OR2T33: variants seen among roughly 807,000 people sequenced by gnomAD.
OR2T33 encodes olfactory receptor family 2 subfamily T member 33.
In OR2T33, 10 loss-of-function variants were observed where a neutral mutation model predicts 14.0. That is an observed-to-expected ratio of 0.72 (90% CI 0.44 to 1.22). The LOEUF (loss-of-function observed/expected upper bound fraction) is 1.22. OR2T33 is among the 50% of genes most tolerant of loss of function. OR2T33 has a pLI of 0.00. For missense variants in OR2T33, 276 were observed against 405.9 expected, an observed-to-expected ratio of 0.68 and a Z score of 2.75; for synonymous variants, 103 against 159.4, an observed-to-expected ratio of 0.65 and a Z score of 2.66.
In OR2T33 at chr1:248,270,182, C is replaced by T. The variant is rs1183203034; in HGVS notation, c.*2670G>A. 1.3e-5 allele frequency: 2 copies of T among 152,094 alleles called. No homozygotes were observed. Among genetic ancestry groups the T allele is most frequent in the African/African-American group, 4.8e-5 (2 of 41,394 alleles). The allele number at this position is 152,094 out of a possible 1,614,324, so 9.4% of individuals were successfully genotyped here. A position where few individuals can be genotyped will look rare whatever the true frequency, so the allele number is the denominator to read the frequency against. On this transcript the variant is annotated 3_prime_UTR_variant, in exon 2 of 2. Transcript: ENST00000641220. ...ACTATCGCAAGGACAAAAAACCAAA[C>T]ACAGCATGTTCTCACTCATAGGTGG...
At position 248,273,823 on chromosome 1, in the gene OR2T33, CT is replaced by C; in HGVS notation, c.-8-2del. 3 of 1,601,958 alleles carry C rather than the reference CT, an allele frequency of 1.9e-6. No individual in the cohort carries two copies. The highest frequency in any genetic ancestry group is 2.6e-6 in the Non-Finnish European group (3 of 1,172,644). ...GTATTTCTCATCTCCATAATTTCCC[CT>C]GGTGTGATGGTGCAAATGGAAAAAT... On this transcript the variant is annotated splice_acceptor_variant, in intron 1 of 1. Transcript: ENST00000641220. LOFTEE classifies it low-confidence loss of function (5UTR_SPLICE).
chr1:248,277,068 C>T (rs1659455794), intron 1 of OR2T33, among the ~76,000 whole-genome samples: 1 of 150,052 alleles, frequency 6.7e-6, no homozygotes, highest in Non-Finnish European at 1.5e-5. Context: ...GATAGCTGGA[C>T]TTAAAACATT....
Position 248,272,833 on chromosome 1 carries a change from AG to A in OR2T33, c.*18del, listed in dbSNP as rs1659389253. ...AAAATATTAATAAATTCAGGAACTTAGACTCATTTGACATTAGATCATCTTG... is the reference window on the plus strand; with the variant it reads ...AAAATATTAATAAATTCAGGAACTTAACTCATTTGACATTAGATCATCTTG... On this transcript the variant is annotated 3_prime_UTR_variant, in exon 2 of 2. Transcript: ENST00000641220. 9 of 1,589,788 alleles carry A rather than the reference AG, an allele frequency of 5.7e-6. No individual in the cohort carries two copies. The East Asian group carries it at 2.0e-4, about 36-fold the overall frequency.
At chr1:248,274,363 C>T (rs1659425390) in intron 1 of OR2T33, among the ~76,000 whole-genome samples, 2 of 152,048 alleles carry the variant, frequency 1.3e-5, no homozygotes, top group Admixed American at 6.5e-5. Flanking sequence ...AACATTTTTT[C>T]CTTTGAAGAA....
rs1393655160 is a variant in OR2T33, at chr1:248,277,897, A to G, written c.-141T>C. On this transcript the variant is annotated 5_prime_UTR_variant, in exon 1 of 2. Transcript: ENST00000641220. ...GTGCCTCTGGTCTCATGCTCTATTT[A>G]GTTAAAAATCCTATGTGGTCACTGA... 2 of 152,080 alleles carry G rather than the reference A, an allele frequency of 1.3e-5. No homozygotes were observed. The highest frequency in any genetic ancestry group is 4.8e-5 in the African/African-American group (2 of 41,422). 9.4% of individuals were successfully genotyped at this position (152,080 alleles called of 1,614,324 possible). A position where few individuals can be genotyped will look rare whatever the true frequency, so the allele number is the denominator to read the frequency against.
At chr1:248,277,387 C>T (rs1354058313) in intron 1 of OR2T33, among the ~76,000 whole-genome samples, 1 of 152,110 alleles carries the variant, frequency 6.6e-6, no homozygotes, top group Non-Finnish European at 1.5e-5. Flanking sequence ...TTCTTTCTGA[C>T]ATCCTACCCT....
Position 248,272,847 on chromosome 1 carries a change from T to C in OR2T33, c.*5A>G, listed in dbSNP as rs201935245. 4.4e-5 allele frequency: 70 copies of C among 1,604,322 alleles called. No individual in the cohort carries two copies. The highest frequency in any genetic ancestry group is 5.4e-5 in the Non-Finnish European group (64 of 1,175,434). ...TTCAGGAACTTAGACTCATTTGACA[T>C]TAGATCATCTTGACCTGTGGGCCTC... On this transcript the variant is annotated 3_prime_UTR_variant, in exon 2 of 2. Coordinates refer to ENST00000641220, the MANE Select transcript of OR2T33 (RefSeq NM_001004695.2).
In OR2T33 at chr1:248,273,315, C is replaced by T. The variant is rs1254773145; in HGVS notation, c.500G>A (p.Cys167Tyr). The stretch of plus-strand genomic sequence containing the variant: ...GAAGTGATCGATCTCGTGTGCACCA[C>T]AATATGGGAAGCTCAGGGTAACAAC... ...QAVVTLSFPY[C>Y]GAHEIDHFFC... The change falls in exon 2 of 2, where the codon TGT (cysteine) becomes TAT (tyrosine). Residue 167 changes from cysteine to tyrosine, a missense_variant. Transcript: ENST00000641220. 40 of 1,610,940 alleles carry T rather than the reference C, an allele frequency of 2.5e-5. No individual in the cohort carries two copies. Among genetic ancestry groups the T allele is most frequent in the Non-Finnish European group, 3.4e-5 (40 of 1,179,514 alleles).
chr1:248,270,641 G>T lies in OR2T33; in HGVS notation c.*2211C>A, dbSNP rs1287770188. ...ATGATGGTCGTACAACATTGCGAATGTAGTAAATGCCACTGAGTTGTTCAC... is the reference window on the plus strand; with the variant it reads ...ATGATGGTCGTACAACATTGCGAATTTAGTAAATGCCACTGAGTTGTTCAC... On this transcript the variant is annotated 3_prime_UTR_variant, in exon 2 of 2. Transcript: ENST00000641220. 4 of 152,206 alleles carry T rather than the reference G, an allele frequency of 2.6e-5. No individual in the cohort carries two copies. Among genetic ancestry groups the T allele is most frequent in the African/African-American group, 7.2e-5 (3 of 41,518 alleles). 9.4% of individuals were successfully genotyped at this position (152,206 alleles called of 1,614,324 possible).
intron 1 of OR2T33, among the ~76,000 whole-genome samples, chr1:248,276,073 A>G (rs1472970915): frequency 6.6e-6 from 1 of 152,072 alleles, no homozygotes; most frequent in Non-Finnish European, 1.5e-5. Context: ...ATACTGTTTC[A>G]CCTCGGATCA....
At chr1:248,277,576 T>C (rs867672464) in intron 1 of OR2T33, among the ~76,000 whole-genome samples, 189 bp downstream of exon 1, 1 of 152,084 alleles carries the variant, frequency 6.6e-6, no homozygotes, top group Non-Finnish European at 1.5e-5. Context: ...AGACTGCATC[T>C]TACATATTCA....
intron 1 of OR2T33, among the ~76,000 whole-genome samples, chr1:248,276,693 C>T (rs1420335006): frequency 6.6e-6 from 1 of 151,904 alleles, no homozygotes; most frequent in Non-Finnish European, 1.5e-5. Context: ...ATAAATAAAC[C>T]AGCATCATCC....
chr1:248,276,494 T>C (rs2103032784), intron 1 of OR2T33, among the ~76,000 whole-genome samples: 1 of 152,292 alleles, frequency 6.6e-6, no homozygotes, highest in African/African-American at 2.4e-5. Context: ...AACTGAAGGC[T>C]ATGGTGACAT....
At chr1:248,277,686 A>T (rs1044590215) in intron 1 of OR2T33, 79 bp downstream of exon 1, 1 of 152,186 alleles carries the variant, frequency 6.6e-6, no homozygotes, top group African/African-American at 2.4e-5. Flanking sequence ...GTAGAATGCC[A>T]AATACATAAT....
At chr1:248,276,397 TTA>T (rs1659447580) in intron 1 of OR2T33, among the ~76,000 whole-genome samples, 1 of 152,172 alleles carries the variant, frequency 6.6e-6, no homozygotes, top group African/African-American at 2.4e-5. Flanking sequence ...TTAATTTAAT[TTA>T]TTAGTTTAGT....
In OR2T33 at chr1:248,273,505, T is replaced by G. The variant is rs377005013; in HGVS notation, c.310A>C (p.Thr104Pro). 1 of 1,612,496 alleles carries G rather than the reference T, an allele frequency of 6.2e-7. No individual in the cohort carries two copies. The highest frequency in any genetic ancestry group is 1.1e-5 in the South Asian group (1 of 90,974). Residue 104 changes from threonine (T) to proline (P), a missense_variant, in exon 2 of 2, where the codon ACA becomes CCA. Coordinates refer to ENST00000641220, the MANE Select transcript of OR2T33 (RefSeq NM_001004695.2). Reference protein sequence around the residue: ...GCGVQIFFLPTLGGGECFLLA... With the variant: ...GCGVQIFFLPPLGGGECFLLA... Reference sequence around the variant, plus strand: ...AGGAAGCACTCTCCACCACCCAGTGTGGGGAGGAAGAAGATCTGCACACCA... The same window carrying G: ...AGGAAGCACTCTCCACCACCCAGTGGGGGGAGGAAGAAGATCTGCACACCA...
chr1:248,273,973 C>T lies in OR2T33; in HGVS notation c.-8-151G>A, dbSNP rs1659421216. On this transcript the variant is annotated intron_variant, in intron 1 of 1. Transcript: ENST00000641220. ...CTAACTCCCAGTGAGCATGGCTTTT[C>T]CTGACCTGGCATTCACTTCTCTGTA... The T allele has an allele frequency of 4.6e-6, 5 of 1,097,652 alleles. No homozygotes were observed. In the South Asian group the frequency reaches 8.0e-5, roughly 18 times the overall value. The allele number at this position is 1,097,652 out of a possible 1,614,324, so 68.0% of individuals were successfully genotyped here. A position where few individuals can be genotyped will look rare whatever the true frequency, so the allele number is the denominator to read the frequency against.
At chr1:248,275,648 G>A (rs138321012) in intron 1 of OR2T33, among the ~76,000 whole-genome samples, 2 of 151,924 alleles carry the variant, frequency 1.3e-5, no homozygotes, top group Non-Finnish European at 2.9e-5. Flanking sequence ...GTATACCTGT[G>A]TAATGAACCT....
At position 248,273,158 on chromosome 1, in the gene OR2T33, G is replaced by A. The variant is rs763180162; in HGVS notation, c.657C>T (p.Ile219=). ...FSLILSSYGL[I]LAAVLHMRST... ...AGCGCATGTGCAGAACAGCAGCGAG[G>A]ATGAGACCATAGGAGGACAGGATGA... Residue 219 remains isoleucine, a synonymous_variant, in exon 2 of 2, where the codon ATC becomes ATT. Coordinates refer to ENST00000641220, the MANE Select transcript of OR2T33 (RefSeq NM_001004695.2). 3 of 1,610,524 alleles carry A rather than the reference G, an allele frequency of 1.9e-6. No homozygotes were observed. Among genetic ancestry groups the A allele is most frequent in the East Asian group, 2.2e-5 (1 of 44,848 alleles).
Sources: allele counts gnomAD v4.1 joint callset (sites outside exome capture counted in the v4.1 genomes callset), GRCh38; gene constraint gnomAD v4.1.1; transcripts MANE v1.5; gene names NCBI Gene and HGNC (gene_info 2026-07-23, HGNC 2026-07-21).